SRGAP3: variants seen among roughly 807,000 people sequenced by gnomAD.
SRGAP3 encodes the protein SLIT-ROBO Rho GTPase-activating protein 3.
In SRGAP3, 39 loss-of-function variants were observed where a neutral mutation model predicts 121.1. The ratio of observed to expected loss-of-function variants is 0.32; its 90% CI spans 0.25 to 0.42. SRGAP3 has a LOEUF of 0.42. Ranked by LOEUF, SRGAP3 falls within the 10% of genes least tolerant of loss-of-function variation. The pLI is 1.00. For synonymous variants in SRGAP3, 601 were observed against 570.0 expected (o/e 1.05, Z -0.77); for missense variants, 1,213 against 1,470.6 (o/e 0.82, Z 2.86).
chr3:9,318,486 A>T (rs1955384952), intron 3 of SRGAP3, among the ~76,000 whole-genome samples: 1 of 151,762 alleles, frequency 6.6e-6, no homozygotes, highest in Non-Finnish European at 1.5e-5. Flanking sequence ...AATGTTTGCT[A>T]GTCTGAGGGG....
intron 3 of SRGAP3, among the ~76,000 whole-genome samples, chr3:9,264,091 A>G (rs1260917374): frequency 3.3e-5 from 5 of 152,256 alleles, no homozygotes; most frequent in African/African-American, 1.2e-4. Flanking sequence ...AACATAATCC[A>G]TCACATAAAC....
chr3:9,057,717 G>A lies in SRGAP3; in HGVS notation c.1023+534C>T, dbSNP rs368476991. Reference sequence around the variant, plus strand: ...AGGGATTTTGTAAGCCTTGGGTAACGAGTAGGGCTGTGTTGGGGCCAGTGA... The same window carrying A: ...AGGGATTTTGTAAGCCTTGGGTAACAAGTAGGGCTGTGTTGGGGCCAGTGA... On this transcript the variant is annotated intron_variant, in intron 7 of 21. Coordinates refer to ENST00000383836, the MANE Select transcript of SRGAP3 (RefSeq NM_014850.4). Among the ~76,000 whole-genome samples, 10 of 152,346 alleles carry A rather than the reference G, an allele frequency of 6.6e-5. No homozygotes were observed. In the South Asian group the frequency reaches 1.0e-3, roughly 16 times the overall value.
intron 3 of SRGAP3, among the ~76,000 whole-genome samples, chr3:9,258,432 T>C (rs539255960): frequency 1.3e-3 from 191 of 152,238 alleles, no homozygotes; most frequent in African/African-American, 4.0e-3. Context: ...CTAGGCTGTA[T>C]TAACAAGCTC....
chr3:9,349,733 A>G (rs2029965392), intron 1 of SRGAP3: 1 of 152,444 alleles, frequency 6.6e-6, no homozygotes, highest in South Asian at 2.1e-4. Flanking sequence ...TAGTATATAT[A>G]AATAATACAA....
chr3:9,060,034 G>T (rs1202741079), intron 6 of SRGAP3, 197 bp downstream of exon 6: 15 of 838,026 alleles, frequency 1.8e-5, no homozygotes, highest in Non-Finnish European at 2.8e-5. Context: ...TGTCCCACTC[G>T]TGAAAATAGA....
At chr3:9,232,446 T>C (rs1953248144) in intron 1 of SRGAP3, among the ~76,000 whole-genome samples, 1 of 152,104 alleles carries the variant, frequency 6.6e-6, no homozygotes, top group Non-Finnish European at 1.5e-5. Flanking sequence ...TCATTACCAA[T>C]CGTCAAAAAC....
rs139000990 is a variant in SRGAP3, at chr3:9,028,202, G to C, written c.1540-1207C>G. The C allele has an allele frequency of 2.4e-4, 376 of 1,594,470 alleles. No individual in the cohort carries two copies. The African/African-American group carries it at 4.8e-3, about 20-fold the overall frequency. On this transcript the variant is annotated intron_variant, in intron 12 of 21. Transcript: ENST00000383836. The stretch of plus-strand genomic sequence containing the variant: ...GATTATGCAGGAATAAGATCAGTTA[G>C]AGTAAGCAGATCCTTCAGAGTCCGT...
chr3:9,203,989 C>T (rs1373584291), intron 1 of SRGAP3, among the ~76,000 whole-genome samples: 1 of 152,136 alleles, frequency 6.6e-6, no homozygotes, highest in Non-Finnish European at 1.5e-5. Context: ...CCACGCCCCA[C>T]CAAAACATGA....
At chr3:9,115,283 T>C (rs1948763831) in intron 2 of SRGAP3, among the ~76,000 whole-genome samples, 1 of 152,358 alleles carries the variant, frequency 6.6e-6, no homozygotes, top group Middle Eastern at 3.4e-3. Context: ...TAAGGTGCTA[T>C]ATAGTCTTTG....
chr3:9,006,580 G>C (rs1254822178), intron 18 of SRGAP3, among the ~76,000 whole-genome samples: 2 of 152,132 alleles, frequency 1.3e-5, no homozygotes, highest in African/African-American at 4.8e-5. Flanking sequence ...ACTGTATTCT[G>C]TACAATACCA....
intron 1 of SRGAP3, among the ~76,000 whole-genome samples, chr3:9,246,264 A>C (rs937278769): frequency 6.6e-6 from 1 of 152,226 alleles, no homozygotes; most frequent in African/African-American, 2.4e-5. Context: ...AATCTGTCTG[A>C]CTAGGTGGAC....
At chr3:9,050,695 T>C (rs1420380482) in intron 9 of SRGAP3, among the ~76,000 whole-genome samples, 1 of 152,242 alleles carries the variant, frequency 6.6e-6, no homozygotes, top group East Asian at 1.9e-4. Flanking sequence ...TCTTGAATTC[T>C]GTTCCCCAGA....
At chr3:9,281,496 C>T (rs1954677514) in intron 3 of SRGAP3, among the ~76,000 whole-genome samples, 1 of 152,152 alleles carries the variant, frequency 6.6e-6, no homozygotes, top group African/African-American at 2.4e-5. Flanking sequence ...GCAAGTCACT[C>T]AACTTCTTTG....
At chr3:9,297,447 C>CTGAA (rs1327709507) in intron 3 of SRGAP3, among the ~76,000 whole-genome samples, 1 of 152,084 alleles carries the variant, frequency 6.6e-6, no homozygotes, top group Non-Finnish European at 1.5e-5. Context: ...ATATTATAGG[C>CTGAA]TGAATTGTGT....
At position 9,206,895 on chromosome 3, in the gene SRGAP3, G is replaced by GT. The variant is rs140725513; in HGVS notation, c.67+41989dup. On this transcript the variant is annotated intron_variant, in intron 1 of 21. Coordinates refer to ENST00000383836, the MANE Select transcript of SRGAP3 (RefSeq NM_014850.4). ...TGACAGTCTGCCTCCCGCTCCTGAG[G>GT]TAACTCCAGGAGGGCAGGGACTTTG... is the stretch of plus-strand genomic sequence containing the variant. Among the ~76,000 whole-genome samples the GT allele has an allele frequency of 8.8e-3, 1,337 of 152,280 alleles. 25 individuals carry two copies. The highest frequency in any genetic ancestry group is 0.031 in the African/African-American group (1,279 of 41,554).
At chr3:9,117,621 G>T (rs960487219) in intron 2 of SRGAP3, among the ~76,000 whole-genome samples, 2 of 152,082 alleles carry the variant, frequency 1.3e-5, no homozygotes, top group Non-Finnish European at 2.9e-5. Flanking sequence ...CCTCTGCATG[G>T]AGCATTTTCA....
intron 3 of SRGAP3, among the ~76,000 whole-genome samples, chr3:9,258,954 G>A (rs527704530): frequency 5.7e-4 from 86 of 152,198 alleles, no homozygotes; most frequent in African/African-American, 1.9e-3. Flanking sequence ...TGTCCTCCTC[G>A]CACTTAAGAG....
At chr3:9,069,479 T>C (rs1357733308) in intron 4 of SRGAP3, among the ~76,000 whole-genome samples, 1 of 152,114 alleles carries the variant, frequency 6.6e-6, no homozygotes, top group Non-Finnish European at 1.5e-5. Context: ...AGGGAAGGGA[T>C]TCACTTTCCA....
intron 3 of SRGAP3, among the ~76,000 whole-genome samples, chr3:9,090,264 GA>G (rs1947696543): frequency 6.6e-6 from 1 of 152,248 alleles, no homozygotes; most frequent in African/African-American, 2.4e-5. Context: ...TGGCTTTAAA[GA>G]GTTTCCCACA....
Sources: gnomAD v4.1 joint callset for allele counts (sites outside exome capture counted in the v4.1 genomes callset) on GRCh38, gnomAD v4.1.1 for gene constraint, MANE v1.5 for transcripts, NCBI Gene and HGNC (gene_info 2026-07-23, HGNC 2026-07-21) for gene names.